The following COMMD1 variants were observed in gnomAD, a reference collection of about 807,000 sequenced individuals.
COMMD1 encodes the protein COMM domain-containing protein 1.
Under a neutral mutation model 17.2 loss-of-function variants are expected in COMMD1, and 10 were observed. That is an observed-to-expected ratio of 0.58 (90% confidence interval 0.36 to 0.99). COMMD1 has a LOEUF of 0.99. COMMD1 is among the 50% of genes least tolerant of loss of function. COMMD1 has a pLI of 0.01. For synonymous variants in COMMD1, 97 were observed against 91.6 expected, an observed-to-expected ratio of 1.06 and a Z score of -0.34; for missense variants, 270 against 231.8, an observed-to-expected ratio of 1.17 and a Z score of -1.07.
chr2:62,105,020 G>C (rs1672290538), intron 2 of COMMD1, among the ~76,000 whole-genome samples: 1 of 151,926 alleles, frequency 6.6e-6, no homozygotes, highest in Admixed American at 6.6e-5. Flanking sequence ...AGCTACTCGG[G>C]AGGTTGAGGC....
At chr2:61,919,453 CT>C (rs1670130664) in intron 1 of COMMD1, among the ~76,000 whole-genome samples, 1 of 151,578 alleles carries the variant, frequency 6.6e-6, no homozygotes, top group African/African-American at 2.4e-5. Flanking sequence ...GTAGCTGAGA[CT>C]ACAGGCATGC....
chr2:61,897,705 C>T (rs1211739279), intron 1 of COMMD1, among the ~76,000 whole-genome samples: 2 of 151,968 alleles, frequency 1.3e-5, no homozygotes, highest in Non-Finnish European at 2.9e-5. Flanking sequence ...ACCAAGATTG[C>T]GCCACTAGAC....
intron 1 of COMMD1, among the ~76,000 whole-genome samples, chr2:61,991,814 C>G (rs1180367352): frequency 3.9e-5 from 6 of 152,182 alleles, no homozygotes; most frequent in Non-Finnish European, 8.8e-5. Context: ...TTGTAAGACA[C>G]TAAAAGATAA....
chr2:61,888,800 T>C (rs1669336141), exon 1 of COMMD1: 1 of 459,810 alleles, frequency 2.2e-6, no homozygotes, highest in Non-Finnish European at 3.9e-6. Flanking sequence ...GGGGAACCTT[T>C]ACGCGAGGCA....
intron 2 of COMMD1, among the ~76,000 whole-genome samples, chr2:62,088,034 C>T (rs566719159): frequency 6.6e-6 from 1 of 152,204 alleles, no homozygotes; most frequent in East Asian, 1.9e-4. Flanking sequence ...TACCAGAGTC[C>T]GCATCCTCTT....
intron 1 of COMMD1, among the ~76,000 whole-genome samples, chr2:61,923,715 A>G (rs1670254290): frequency 6.6e-6 from 1 of 152,146 alleles, no homozygotes; most frequent in African/African-American, 2.4e-5. Context: ...AGCCAGTGAA[A>G]AAGTTTTAAT....
intron 2 of COMMD1, among the ~76,000 whole-genome samples, chr2:62,125,967 G>A (rs563749795): frequency 1.1e-4 from 17 of 152,090 alleles, no homozygotes; most frequent in Non-Finnish European, 2.2e-4. Flanking sequence ...TTCCCTCCCT[G>A]TGTCCATGTG....
rs946016588 is a variant in COMMD1 at position 61,987,866 on chromosome 2, A to C, written c.181-12835A>C. ...CCTGGTCCTCTGTTCTGCTGTAGCTAAGCTGGCACCGAAACCACAAGACAA... is the reference window on the plus strand; with the variant it reads ...CCTGGTCCTCTGTTCTGCTGTAGCTCAGCTGGCACCGAAACCACAAGACAA... On this transcript the variant is annotated intron_variant, in intron 1 of 2. Transcript: ENST00000311832. Among the ~76,000 whole-genome samples, 4 of 152,016 alleles carry C rather than the reference A, an allele frequency of 2.6e-5. No individual in the cohort carries two copies. In the East Asian group the frequency reaches 7.7e-4, roughly 29 times the overall value.
intron 1 of COMMD1, among the ~76,000 whole-genome samples, chr2:61,924,806 T>A (rs1407004739): frequency 6.6e-6 from 1 of 152,082 alleles, no homozygotes; most frequent in Non-Finnish European, 1.5e-5. Context: ...AGCATTGAGA[T>A]CACGGAATGG....
intron 1 of COMMD1, among the ~76,000 whole-genome samples, chr2:61,922,890 A>G (rs1286898151): frequency 2.0e-5 from 3 of 152,248 alleles, no homozygotes; most frequent in Non-Finnish European, 2.9e-5. Flanking sequence ...TTTGCTTTAC[A>G]TGGTTTCTGG....
chr2:62,098,817 C>A lies in COMMD1; in HGVS notation c.463-37014C>A, dbSNP rs192385135. Among the ~76,000 whole-genome samples the A allele has an allele frequency of 1.6e-3, 238 of 152,344 alleles. 2 individuals carry two copies. The highest frequency in any genetic ancestry group is 4.5e-3 in the African/African-American group (189 of 41,578). ...TCTAAAGGCTGTTTCCAATCTGCTA[C>A]TCTAAATCATTCTTCAGCTTTGTTC... On this transcript the variant is annotated intron_variant, in intron 2 of 2. Coordinates refer to ENST00000311832, the MANE Select transcript of COMMD1 (RefSeq NM_152516.4).
intron 2 of COMMD1, among the ~76,000 whole-genome samples, chr2:62,007,508 G>A (rs1385700077): frequency 6.6e-6 from 1 of 152,092 alleles, no homozygotes; most frequent in East Asian, 1.9e-4. Flanking sequence ...GTCACTGATG[G>A]ATCACATATA....
rs117676119 is a variant in COMMD1, at chr2:61,915,699, A to G, written c.180+9841A>G. 3.8e-4 allele frequency: 171 copies of G among 453,194 alleles called. No individual in the cohort carries two copies. In the East Asian group the frequency reaches 8.3e-3, roughly 22 times the overall value. 28.1% of individuals were successfully genotyped at this position (453,194 alleles called of 1,614,324 possible). On this transcript the variant is annotated intron_variant, in intron 1 of 2. Coordinates refer to ENST00000311832, the MANE Select transcript of COMMD1 (RefSeq NM_152516.4). Reference sequence around the variant, plus strand: ...TTTTTTAGAGACAGAATCTCCCCATATCGTCCAGGGTGGTCTCAAATTCCT... The same window carrying G: ...TTTTTTAGAGACAGAATCTCCCCATGTCGTCCAGGGTGGTCTCAAATTCCT...
At chr2:62,046,965 C>T (rs560055856) in intron 2 of COMMD1, among the ~76,000 whole-genome samples, 22 of 152,288 alleles carry the variant, frequency 1.4e-4, no homozygotes, top group African/African-American at 4.6e-4. Flanking sequence ...ACTGCAGACA[C>T]GAGCCAGAGT....
chr2:62,135,986 A>G lies in COMMD1; in HGVS notation c.*45A>G, dbSNP rs190705508. The G allele has an allele frequency of 3.0e-5, 29 of 974,826 alleles. No homozygotes were observed. Among genetic ancestry groups the G allele is most frequent in the Non-Finnish European group, 4.7e-5 (28 of 597,296 alleles). The allele number at this position is 974,826 out of a possible 1,614,324, so 60.4% of individuals were successfully genotyped here. On this transcript the variant is annotated 3_prime_UTR_variant, in exon 3 of 3. Coordinates refer to ENST00000311832, the MANE Select transcript of COMMD1 (RefSeq NM_152516.4). ...TGGAGTTGTTGAAACCAAGGTGTCC[A>G]TGATCCCTCCCCACTGACCTTTTCT...
intron 1 of COMMD1, among the ~76,000 whole-genome samples, chr2:61,911,648 C>T (rs1669911301): frequency 6.6e-6 from 1 of 152,168 alleles, no homozygotes; most frequent in Non-Finnish European, 1.5e-5. Flanking sequence ...TTTTAGAAGT[C>T]TAGAAATACT....
chr2:62,095,941 ATG>A (rs1012750404), intron 2 of COMMD1, among the ~76,000 whole-genome samples: 13 of 149,426 alleles, frequency 8.7e-5, no homozygotes, highest in African/African-American at 3.0e-4. Context: ...GTATACATAT[ATG>A]TGTGTGTATA....
At chr2:61,902,227 T>C (rs2105165102), upstream of COMMD1, among the ~76,000 whole-genome samples, 1 of 149,142 alleles carries the variant, frequency 6.7e-6, no homozygotes, top group East Asian at 2.1e-4. Context: ...CACTGAAGTG[T>C]CCGGGCACGG....
intron 1 of COMMD1, among the ~76,000 whole-genome samples, chr2:61,956,022 A>G (rs1219418165): frequency 6.6e-6 from 1 of 152,212 alleles, no homozygotes; most frequent in African/African-American, 2.4e-5. Flanking sequence ...TACTGTTTTT[A>G]CATATAAAGC....
Sources: allele counts gnomAD v4.1 joint callset (sites outside exome capture counted in the v4.1 genomes callset), GRCh38; gene constraint gnomAD v4.1.1; transcripts MANE v1.5; gene names NCBI Gene and HGNC (gene_info 2026-07-23, HGNC 2026-07-21).